SMAD1: variants seen among roughly 807,000 people sequenced by gnomAD.
SMAD1 encodes SMAD family member 1, also known as MAD, mothers against decapentaplegic homolog 1.
A neutral mutation model predicts 41.6 loss-of-function variants in SMAD1; 6 were observed. The ratio of observed to expected loss-of-function variants is 0.14; its 90% CI spans 0.08 to 0.28. SMAD1 has a LOEUF of 0.28. Ranked by LOEUF, SMAD1 falls within the 10% of genes least tolerant of loss-of-function variation. The probability of loss-of-function intolerance (pLI) is 1.00; values close to 1 mark genes in which losing one functional copy is unlikely to be tolerated. For synonymous variants in SMAD1, 206 were observed against 203.2 expected (o/e 1.01, Z -0.12); for missense variants, 379 against 582.6 (o/e 0.65, Z 3.60).
chr4:145,498,098 T>C (rs1038020296), intron 1 of SMAD1: 3 of 152,372 alleles, frequency 2.0e-5, no homozygotes, highest in East Asian at 1.9e-4. Context: ...ACCAAATTGC[T>C]TGTGAAGATA....
rs1732990047 is a variant in SMAD1, at chr4:145,558,932, A to G, written c.*998A>G. Among the ~76,000 whole-genome samples the G allele has an allele frequency of 1.3e-5, 2 of 152,184 alleles. No homozygotes were observed. The highest frequency in any genetic ancestry group is 1.3e-4 in the Admixed American group (2 of 15,274). Reference sequence around the variant, plus strand: ...GTACAGAAATAGGCTTTAATTTTCAAGTGAATTTTTTGCCAAACTTAGTAA... The same window carrying G: ...GTACAGAAATAGGCTTTAATTTTCAGGTGAATTTTTTGCCAAACTTAGTAA... On this transcript the variant is annotated 3_prime_UTR_variant, in exon 7 of 7. Coordinates refer to ENST00000302085, the MANE Select transcript of SMAD1 (RefSeq NM_005900.3).
chr4:145,553,673 T>G (rs763398494), intron 5 of SMAD1, 111 bp from the exon 6 acceptor site: 20 of 999,250 alleles, frequency 2.0e-5, no homozygotes, highest in African/African-American at 3.2e-5. Context: ...GCTAGCTAAC[T>G]AGCCAAAGTT....
In SMAD1 at chr4:145,517,143, T is replaced by A. The variant is rs149809234; in HGVS notation, c.400+2130T>A. The A allele has an allele frequency of 5.9e-5, 9 of 152,342 alleles. No homozygotes were observed. In the East Asian group the frequency reaches 1.7e-3, roughly 29 times the overall value. 9.4% of individuals were successfully genotyped at this position (152,342 alleles called of 1,614,324 possible). A position where few individuals can be genotyped will look rare whatever the true frequency, so the allele number is the denominator to read the frequency against. The stretch of plus-strand genomic sequence containing the variant: ...CTTGTTGTCCTACTTTTCCCTACTC[T>A]TGAGAAGTCCTCTAGAGAGGTCTGC... On this transcript the variant is annotated intron_variant, in intron 2 of 6. Coordinates refer to ENST00000302085, the MANE Select transcript of SMAD1 (RefSeq NM_005900.3).
intron 2 of SMAD1, among the ~76,000 whole-genome samples, chr4:145,535,863 T>C (rs953991263): frequency 1.3e-5 from 2 of 151,338 alleles, no homozygotes; most frequent in Non-Finnish European, 2.9e-5. Context: ...TCAAATAAAC[T>C]AACTGTGAAA....
chr4:145,536,980 C>T (rs1731650629), intron 2 of SMAD1, among the ~76,000 whole-genome samples: 1 of 151,670 alleles, frequency 6.6e-6, no homozygotes, highest in Admixed American at 6.6e-5. Flanking sequence ...TAGAGGGACC[C>T]AAATTGATAA....
chr4:145,511,414 A>G (rs1464797506), intron 1 of SMAD1, among the ~76,000 whole-genome samples: 1 of 152,208 alleles, frequency 6.6e-6, no homozygotes, highest in Non-Finnish European at 1.5e-5. Context: ...CTGAGACTGC[A>G]GGCACATGCC....
chr4:145,541,628 T>C (rs979464113), intron 3 of SMAD1, among the ~76,000 whole-genome samples: 2 of 152,210 alleles, frequency 1.3e-5, no homozygotes, highest in Non-Finnish European at 2.9e-5. Flanking sequence ...TACCAGGTTG[T>C]GATTCAGCTG....
At chr4:145,528,736 C>A (rs568167286) in intron 2 of SMAD1, among the ~76,000 whole-genome samples, 4 of 152,246 alleles carry the variant, frequency 2.6e-5, no homozygotes, top group African/African-American at 9.6e-5. Context: ...GCTAACTGCT[C>A]TTTGTGTAAT....
At chr4:145,494,837 G>T (rs1728977427) in intron 1 of SMAD1, among the ~76,000 whole-genome samples, 1 of 152,146 alleles carries the variant, frequency 6.6e-6, no homozygotes, top group African/African-American at 2.4e-5. Flanking sequence ...GTCAGTTGTG[G>T]GTGCTCAGAC....
chr4:145,490,706 A>G (rs946336561), intron 1 of SMAD1, among the ~76,000 whole-genome samples: 2 of 152,314 alleles, frequency 1.3e-5, no homozygotes, highest in South Asian at 4.2e-4. Flanking sequence ...TTGGTAATGA[A>G]GTAGTGAAAT....
At chr4:145,545,046 T>C (rs1732168131) in intron 4 of SMAD1, 1 of 152,094 alleles carries the variant, frequency 6.6e-6, no homozygotes. Context: ...TTTTTTTTCT[T>C]CCCCCCGCTT....
intron 1 of SMAD1, among the ~76,000 whole-genome samples, chr4:145,492,737 G>A (rs1728841441): frequency 6.6e-6 from 1 of 152,192 alleles, no homozygotes; most frequent in Non-Finnish European, 1.5e-5. Flanking sequence ...AAGCTAGTTA[G>A]GGGCTGCCAG....
chr4:145,520,026 A>G (rs1024959964), intron 2 of SMAD1, among the ~76,000 whole-genome samples: 2 of 152,236 alleles, frequency 1.3e-5, no homozygotes, highest in Non-Finnish European at 2.9e-5. Flanking sequence ...AGTAATCATC[A>G]GGGAAATGCA....
intron 6 of SMAD1, among the ~76,000 whole-genome samples, chr4:145,556,962 G>A (rs1033608334): frequency 6.6e-6 from 1 of 152,180 alleles, no homozygotes; most frequent in African/African-American, 2.4e-5. Context: ...ACAGGTGTGA[G>A]CCACCGCGCC....
Position 145,500,412 on chromosome 4 carries a change from G to A in SMAD1, c.-176-14026G>A, listed in dbSNP as rs138164818. ...CTCACTCCATTCCAGCCTCAGTGAG[G>A]ACTCCTTGCCATTCCTTGAACATCT... On this transcript the variant is annotated intron_variant, in intron 1 of 6. Coordinates refer to ENST00000302085, the MANE Select transcript of SMAD1 (RefSeq NM_005900.3). 4.6e-3 allele frequency among the ~76,000 whole-genome samples: 699 copies of A among 152,098 alleles called. 1 individual carries two copies. The highest frequency in any genetic ancestry group is 0.016 in the African/African-American group (670 of 41,494).
intron 1 of SMAD1, among the ~76,000 whole-genome samples, chr4:145,500,143 GCCATAGCTT>G (rs1729345166): frequency 6.6e-6 from 1 of 152,082 alleles, no homozygotes; most frequent in African/African-American, 2.4e-5. Context: ...CTTAACAATT[GCCATAGCTT>G]CCTAACTGGT....
chr4:145,539,080 G>T (rs1156806370), intron 2 of SMAD1, among the ~76,000 whole-genome samples: 1 of 152,158 alleles, frequency 6.6e-6, no homozygotes, highest in Non-Finnish European at 1.5e-5. Flanking sequence ...TGAGTTTTCA[G>T]TTAGCAAAAT....
chr4:145,519,905 T>C (rs181308053), intron 2 of SMAD1, among the ~76,000 whole-genome samples: 1 of 152,344 alleles, frequency 6.6e-6, no homozygotes, highest in African/African-American at 2.4e-5. Flanking sequence ...AGTATTCGTC[T>C]TTCTGTGCCT....
chr4:145,502,404 G>C (rs1729495080), intron 1 of SMAD1, among the ~76,000 whole-genome samples: 1 of 152,122 alleles, frequency 6.6e-6, no homozygotes, highest in Non-Finnish European at 1.5e-5. Context: ...AGCCAACTTT[G>C]TTTGTTGAAG....
Sources: gnomAD v4.1 joint callset for allele counts (sites outside exome capture counted in the v4.1 genomes callset) on GRCh38, gnomAD v4.1.1 for gene constraint, MANE v1.5 for transcripts, NCBI Gene and HGNC (gene_info 2026-07-23, HGNC 2026-07-21) for gene names.